Variants in LMO7 observed in about 807,000 individuals in gnomAD.
LMO7 encodes the protein LIM domain only protein 7.
In LMO7, 120 loss-of-function variants were observed where a neutral mutation model predicts 206.5. The observed-to-expected ratio is 0.58, with a 90% CI of 0.50 to 0.68. LMO7 has a LOEUF of 0.68. Ranked by LOEUF, LMO7 falls within the 30% of genes least tolerant of loss-of-function variation. The pLI, the probability that LMO7 is intolerant of heterozygous loss-of-function variation, is 0.00. For synonymous variants in LMO7, 706 were observed against 681.5 expected, an observed-to-expected ratio of 1.04 and a Z score of -0.56; for missense variants, 1,959 against 1,957.9, an observed-to-expected ratio of 1.00 and a Z score of -0.01.
In LMO7 at chr13:75,834,231, C is replaced by A; in HGVS notation, c.3070C>A (p.Pro1024Thr). 6.3e-7 allele frequency: 1 copy of A among 1,583,714 alleles called. No individual in the cohort carries two copies. Among genetic ancestry groups the A allele is most frequent in the Admixed American group, 1.8e-5 (1 of 56,474 alleles). Residue 1024 changes from proline to threonine, a missense_variant, in exon 17 of 31, where the codon CCA (proline) becomes ACA (threonine). By Grantham distance (38) the Pro-to-Thr change is conservative. Transcript: ENST00000377534. ...AATTTATTTTGCATTTTTAGGTAGCCCAGCAGAATTTTCTCAGCTACAAGT... is the reference window on the plus strand; with the variant it reads ...AATTTATTTTGCATTTTTAGGTAGCACAGCAGAATTTTCTCAGCTACAAGT... The part of the protein sequence containing the change: ...IFVASVEAGS[P>T]AEFSQLQVDD...
intron 11 of LMO7, among the ~76,000 whole-genome samples, chr13:75,815,235 A>T (rs1304856337): frequency 6.6e-6 from 1 of 152,162 alleles, no homozygotes; most frequent in Non-Finnish European, 1.5e-5. Context: ...CAGGTAGCAG[A>T]TGTGATTACT....
At chr13:75,773,261 G>A (rs1289053852) in intron 4 of LMO7, among the ~76,000 whole-genome samples, 2 of 152,088 alleles carry the variant, frequency 1.3e-5, no homozygotes, top group South Asian at 2.1e-4. Flanking sequence ...ATGGAGGTGG[G>A]CAGATTGGAG....
intron 2 of LMO7, chr13:75,631,130 A>G (rs1319437838): frequency 6.6e-6 from 1 of 152,068 alleles, no homozygotes; most frequent in Non-Finnish European, 1.5e-5. Flanking sequence ...GGGTTCAAGC[A>G]ATTCTTAGGC....
chr13:75,849,075 T>A lies in LMO7; in HGVS notation c.4151-4T>A. The A allele has an allele frequency of 6.4e-7, 1 of 1,558,292 alleles. No homozygotes were observed. Among genetic ancestry groups the A allele is most frequent in the East Asian group, 2.3e-5 (1 of 44,396 alleles). ...CCAAAGCTTTTGATTTGTTTTTAAT[T>A]TAGGAAACAATAAATATTTAGACCA... On this transcript the variant is annotated splice_polypyrimidine_tract_variant and splice_region_variant and intron_variant, in intron 26 of 30. Transcript: ENST00000377534.
chr13:75,640,143 G>A (rs1252976820), intron 1 of LMO7, among the ~76,000 whole-genome samples: 1 of 268 alleles, frequency 3.7e-3, no homozygotes, highest in Non-Finnish European at 7.5e-3. Context: ...AAATTGTAGT[G>A]TTACAAAGCA....
intron 4 of LMO7, among the ~76,000 whole-genome samples, chr13:75,769,041 G>A (rs1319338870): frequency 6.6e-6 from 1 of 152,040 alleles, no homozygotes; most frequent in Admixed American, 6.6e-5. Flanking sequence ...TGTCACTTGT[G>A]TACAATGAAA....
intron 6 of LMO7, among the ~76,000 whole-genome samples, chr13:75,798,579 C>A (rs527351219): frequency 5.3e-5 from 8 of 152,208 alleles, no homozygotes; most frequent in Non-Finnish European, 1.0e-4. Context: ...TGGTTCCATT[C>A]CATTATAATA....
intron 2 of LMO7, among the ~76,000 whole-genome samples, chr13:75,626,595 A>ATATATATATATATTTTTT: frequency 1.4e-5 from 1 of 71,100 alleles, no homozygotes; most frequent in African/African-American, 3.6e-5. Flanking sequence ...ATATATATAA[A>ATATATATATATATTTTTT]TTTTTTTGAG....
chr13:75,772,668 A>C (rs1411154932), intron 4 of LMO7, among the ~76,000 whole-genome samples: 2 of 152,140 alleles, frequency 1.3e-5, no homozygotes, highest in Non-Finnish European at 2.9e-5. Context: ...ATGAAGACTA[A>C]ATGAAGGAAT....
At chr13:75,752,490 A>G (rs1175813786) in intron 3 of LMO7, among the ~76,000 whole-genome samples, 1 of 152,132 alleles carries the variant, frequency 6.6e-6, no homozygotes, top group Non-Finnish European at 1.5e-5. Flanking sequence ...TCCTACCTTA[A>G]TATATTACAC....
chr13:75,754,770 T>C (rs2047543344), intron 3 of LMO7, among the ~76,000 whole-genome samples: 1 of 152,186 alleles, frequency 6.6e-6, no homozygotes, highest in African/African-American at 2.4e-5. Context: ...TAAATGCTTT[T>C]GGAAGGAAAA....
chr13:75,808,280 G>C, intron 10 of LMO7, 81 bp downstream of exon 10: 1 of 1,434,486 alleles, frequency 7.0e-7, no homozygotes, highest in Non-Finnish European at 9.3e-7. Flanking sequence ...GCAGCTCATC[G>C]TGTTGCTCAA....
chr13:75,734,103 A>C (rs1264052111), intron 3 of LMO7, among the ~76,000 whole-genome samples: 1 of 152,214 alleles, frequency 6.6e-6, no homozygotes, highest in Non-Finnish European at 1.5e-5. Flanking sequence ...GTGAGGTTGC[A>C]CAAGTCTCTG....
At chr13:75,830,119 G>T (rs992355951) in intron 15 of LMO7, among the ~76,000 whole-genome samples, 9 of 152,070 alleles carry the variant, frequency 5.9e-5, no homozygotes, top group African/African-American at 2.2e-4. Context: ...ATACTCACTT[G>T]GCATATGTCT....
rs1183925316 is a variant in LMO7, at chr13:75,809,118, A to G, written c.1917-36A>G. 1.9e-6 allele frequency: 3 copies of G among 1,548,670 alleles called. No homozygotes were observed. The African/African-American group carries it at 4.1e-5, about 21-fold the overall frequency. ...TTTAGAAACTAATATGACTGGGAAAAATGACTTTTTAATTTTTGGTTTTCT... is the reference window on the plus strand; with the variant it reads ...TTTAGAAACTAATATGACTGGGAAAGATGACTTTTTAATTTTTGGTTTTCT... On this transcript the variant is annotated intron_variant, in intron 10 of 30. Coordinates refer to ENST00000377534, the MANE Select transcript of LMO7 (RefSeq NM_001306080.2).
chr13:75,686,158 G>A (rs1325583586), intron 1 of LMO7, among the ~76,000 whole-genome samples: 1 of 151,730 alleles, frequency 6.6e-6, no homozygotes, highest in Admixed American at 6.6e-5. Context: ...GGATTACAGG[G>A]GTGTATTAGT....
intron 27 of LMO7, among the ~76,000 whole-genome samples, chr13:75,850,128 A>G (rs1423871918): frequency 6.6e-6 from 1 of 152,238 alleles, no homozygotes; most frequent in Non-Finnish European, 1.5e-5. Flanking sequence ...TAAAAAAAGA[A>G]AAAAGACAAA....
At chr13:75,781,645 T>C (rs1257163436) in intron 4 of LMO7, among the ~76,000 whole-genome samples, 1 of 150,440 alleles carries the variant, frequency 6.6e-6, no homozygotes, top group Non-Finnish European at 1.5e-5. Flanking sequence ...ATATACCCAG[T>C]AATGGGATGG....
At chr13:75,679,059 A>G (rs572579632) in intron 1 of LMO7, among the ~76,000 whole-genome samples, 1 of 152,206 alleles carries the variant, frequency 6.6e-6, no homozygotes, top group Admixed American at 6.5e-5. Flanking sequence ...TACTAGGTTC[A>G]GTCTTCCAGA....
Sources: allele counts gnomAD v4.1 joint callset (sites outside exome capture counted in the v4.1 genomes callset), GRCh38; gene constraint gnomAD v4.1.1; transcripts MANE v1.5; gene names NCBI Gene and HGNC (gene_info 2026-07-23, HGNC 2026-07-21).